Variants in PDE6C observed in about 807,000 individuals in gnomAD.
PDE6C encodes the protein cone cGMP-specific 3',5'-cyclic phosphodiesterase subunit alpha'.
In PDE6C, 75 loss-of-function variants were observed where a neutral mutation model predicts 113.1. The ratio of observed to expected loss-of-function variants is 0.66; its 90% CI spans 0.55 to 0.80. The LOEUF is 0.80. Among genes scored for constraint, PDE6C ranks in the 30% least tolerant of loss-of-function variants. The probability of loss-of-function intolerance (pLI) is 0.00; values close to 1 mark genes in which losing one functional copy is unlikely to be tolerated. For missense variants in PDE6C, 912 were observed against 1,038.6 expected (o/e 0.88, Z 1.67); for synonymous variants, 375 against 363.7 (o/e 1.03, Z -0.35).
Position 93,662,091 on chromosome 10 carries a change from A to G in PDE6C, c.2241A>G (p.Glu747=). The G allele has an allele frequency of 1.9e-6, 3 of 1,610,796 alleles. No homozygotes were observed. Among genetic ancestry groups the G allele is most frequent in the Non-Finnish European group, 1.7e-6 (2 of 1,177,026 alleles). ...TTATGGTTGCAAATGAATTTTGGGA[A>G]CAAGGAGATCTGGAGAGAACAGTGT... The part of the protein sequence containing the change: ...VALMVANEFW[E]QGDLERTVLQ... Residue 747 remains glutamate, a synonymous_variant, in exon 19 of 22, where the codon GAA becomes GAG. Coordinates refer to ENST00000371447, the MANE Select transcript of PDE6C (RefSeq NM_006204.4).
chr10:93,630,174 C>T (rs535390475), intron 8 of PDE6C, among the ~76,000 whole-genome samples: 69 of 152,232 alleles, frequency 4.5e-4, no homozygotes, highest in African/African-American at 1.3e-3. Context: ...TCCTTCTCCA[C>T]TGTGCAGAGA....
intron 5 of PDE6C, 63 bp from the exon 6 acceptor site, chr10:93,626,577 C>A: frequency 1.1e-6 from 1 of 917,448 alleles, no homozygotes; most frequent in East Asian, 2.5e-5. Flanking sequence ...TACAAGTTCC[C>A]CAATGAAAAA....
At chr10:93,640,404 C>G (rs1245309875) in intron 12 of PDE6C, 46 bp from the exon 13 acceptor site, 3 of 1,470,606 alleles carry the variant, frequency 2.0e-6, no homozygotes, top group Non-Finnish European at 2.9e-6. Flanking sequence ...ACCTTCTAAC[C>G]TTTAGAATTC....
chr10:93,623,281 TC>T (rs1381123379), intron 4 of PDE6C, among the ~76,000 whole-genome samples: 16 of 152,238 alleles, frequency 1.1e-4, no homozygotes, highest in Non-Finnish European at 1.9e-4. Flanking sequence ...AGATAGCTGC[TC>T]AGATTTTTTG....
chr10:93,654,813 T>TCTTTCTTTCTTTC (rs66493161), intron 15 of PDE6C, among the ~76,000 whole-genome samples: 1 of 137,082 alleles, frequency 7.3e-6, no homozygotes, highest in Non-Finnish European at 1.6e-5. Context: ...TTTCTTTCTT[T>TCTTTCTTTCTTTC]TTTTTTTTTT....
In PDE6C at chr10:93,663,089, T is replaced by C. The variant is rs939852854; in HGVS notation, c.2429T>C (p.Val810Ala). 1 of 1,612,682 alleles carries C rather than the reference T, an allele frequency of 6.2e-7. No individual in the cohort carries two copies. The highest frequency in any genetic ancestry group is 1.3e-5 in the African/African-American group (1 of 74,694). The change falls in exon 21 of 22, where the codon GTA becomes GCA. Residue 810 changes from valine (V) to alanine (A), a missense_variant. Transcript: ENST00000371447. ...PMLSGLQNNR[V>A]EWKSLADEYD... ...CTGAGTGGTCTTCAGAATAACAGAG[T>C]AGAATGGAAATCACTAGCTGATGAG... is the stretch of plus-strand genomic sequence containing the variant.
At chr10:93,630,667 T>C in intron 8 of PDE6C, among the ~76,000 whole-genome samples, 1 of 152,056 alleles carries the variant, frequency 6.6e-6, no homozygotes, top group East Asian at 1.9e-4. Flanking sequence ...TGTTTTTCTG[T>C]CTCTCTCACA....
chr10:93,636,952 T>C (rs1258479180), intron 10 of PDE6C, 43 bp from the exon 11 acceptor site: 5 of 1,018,834 alleles, frequency 4.9e-6, no homozygotes, highest in Non-Finnish European at 7.8e-6. Context: ...ATGGAAATCT[T>C]CTCCTTTAGG....
At chr10:93,614,444 T>C (rs969248065) in intron 1 of PDE6C, among the ~76,000 whole-genome samples, 1 of 152,140 alleles carries the variant, frequency 6.6e-6, no homozygotes, top group African/African-American at 2.4e-5. Context: ...TAAGTTTGCT[T>C]TTGAGCCTGA....
intron 15 of PDE6C, among the ~76,000 whole-genome samples, chr10:93,649,668 G>A (rs1006533008): frequency 2.0e-5 from 3 of 152,120 alleles, no homozygotes; most frequent in Admixed American, 6.6e-5. Context: ...ACAGTGGCGT[G>A]ATCTCAACTC....
chr10:93,654,750 T>TTTTCTTTCTTTCTTTCTTTC (rs1218959114), intron 15 of PDE6C, among the ~76,000 whole-genome samples: 38 of 120,756 alleles, frequency 3.1e-4, no homozygotes, highest in Admixed American at 1.0e-3. Context: ...TATATACTCA[T>TTTTCTTTCTTTCTTTCTTTC]TTTCTTTCTT....
At chr10:93,659,601 G>A (rs1406540611) in intron 18 of PDE6C, among the ~76,000 whole-genome samples, 1 of 152,170 alleles carries the variant, frequency 6.6e-6, no homozygotes, top group Non-Finnish European at 1.5e-5. Flanking sequence ...CTTATGTGGT[G>A]GCAGGCAAGA....
chr10:93,636,405 T>TGC (rs2058531292), intron 10 of PDE6C, among the ~76,000 whole-genome samples: 1 of 150,082 alleles, frequency 6.7e-6, no homozygotes, highest in South Asian at 2.1e-4. Flanking sequence ...TGTGTGTGTG[T>TGC]GTAGTTTTGC....
rs762249684 is a variant in PDE6C, at chr10:93,635,534, C to G, written c.1307C>G (p.Thr436Ser). The change falls in exon 10 of 22, where the codon ACT becomes AGT. Residue 436 changes from threonine to serine, a missense_variant. Thr to Ser is a moderately conservative substitution (Grantham distance 58). Coordinates refer to ENST00000371447, the MANE Select transcript of PDE6C (RefSeq NM_006204.4). Reference protein sequence around the residue: ...TQFLGWSLLNTDTYDKMNKLE... With the variant: ...TQFLGWSLLNSDTYDKMNKLE... ...TTTCTTGGATGGTCTCTTTTAAATA[C>G]TGACACCTACGATAAGATGAATAAG... is the stretch of plus-strand genomic sequence containing the variant. 1.1e-5 allele frequency: 18 copies of G among 1,611,344 alleles called. No individual in the cohort carries two copies. The highest frequency in any genetic ancestry group is 1.7e-6 in the Non-Finnish European group (2 of 1,177,630).
intron 4 of PDE6C, among the ~76,000 whole-genome samples, chr10:93,624,817 G>A (rs996159930): frequency 2.4e-4 from 37 of 152,168 alleles, no homozygotes; most frequent in African/African-American, 8.9e-4. Flanking sequence ...TAAAGTCCAG[G>A]TGCTTTCTCT....
At chr10:93,659,548 C>T (rs1004574372) in intron 18 of PDE6C, among the ~76,000 whole-genome samples, 1 of 152,040 alleles carries the variant, frequency 6.6e-6, no homozygotes, top group African/African-American at 2.4e-5. Context: ...GCTGGGGAGG[C>T]CTCACAATCA....
chr10:93,664,006 T>C (rs924788236), intron 21 of PDE6C, among the ~76,000 whole-genome samples: 1 of 152,202 alleles, frequency 6.6e-6, no homozygotes, highest in Non-Finnish European at 1.5e-5. Flanking sequence ...AAATAATTCA[T>C]AGGAGAAAAT....
intron 1 of PDE6C, among the ~76,000 whole-genome samples, chr10:93,619,353 C>T (rs1161813003): frequency 6.6e-6 from 1 of 152,220 alleles, no homozygotes; most frequent in Admixed American, 6.5e-5. Context: ...TGATAAGCAT[C>T]TGATGCTGGC....
chr10:93,655,634 G>GAAAAAAAAAAAAAAAAAAAA, intron 15 of PDE6C, 126 bp from the exon 16 acceptor site: 1 of 527,716 alleles, frequency 1.9e-6, no homozygotes, highest in Non-Finnish European at 3.4e-6. Context: ...AAAAAGGAAG[G>GAAAAAAAAAAAAAAAAAAAA]AAAACAAAAA....
Sources: allele counts gnomAD v4.1 joint callset (sites outside exome capture counted in the v4.1 genomes callset), GRCh38; gene constraint gnomAD v4.1.1; transcripts MANE v1.5; gene names NCBI Gene and HGNC (gene_info 2026-07-23, HGNC 2026-07-21).